The following SLC35A3 variants were observed in gnomAD, a reference collection of about 807,000 sequenced individuals.
SLC35A3 encodes solute carrier family 35 member A3, also known as UDP-N-acetylglucosamine transporter.
Under a neutral mutation model 39.0 loss-of-function variants are expected in SLC35A3, and 26 were observed. The observed-to-expected ratio is 0.67, with a 90% CI of 0.49 to 0.92. The LOEUF is 0.92. Ranked by LOEUF, SLC35A3 falls within the 40% of genes least tolerant of loss-of-function variation. The probability of loss-of-function intolerance (pLI) is 0.00; values close to 1 mark genes in which losing one functional copy is unlikely to be tolerated. For synonymous variants in SLC35A3, 135 were observed against 133.1 expected (o/e 1.01, Z -0.10); for missense variants, 299 against 371.6 (o/e 0.80, Z 1.61).
Position 100,007,060 on chromosome 1 carries a change from A to G in SLC35A3, c.369A>G (p.Thr123=). ...TCACGTATCAGTTAAAAATTCTTAC[A>G]ACAGCATTATTTTCTGTGTCTATGC... is the stretch of plus-strand genomic sequence containing the variant. The part of the protein sequence containing the change: ...YQVTYQLKIL[T]TALFSVSMLS... Residue 123 remains threonine, a synonymous_variant, in exon 4 of 8, where the codon ACA becomes ACG. Transcript: ENST00000533028. 1 of 1,608,440 alleles carries G rather than the reference A, an allele frequency of 6.2e-7. No individual in the cohort carries two copies. The highest frequency in any genetic ancestry group is 8.5e-7 in the Non-Finnish European group (1 of 1,178,300).
At chr1:100,021,854 T>C (rs1660573800) in intron 7 of SLC35A3, among the ~76,000 whole-genome samples, 1 of 152,198 alleles carries the variant, frequency 6.6e-6, no homozygotes, top group African/African-American at 2.4e-5. Context: ...GTCCTGAGTT[T>C]TGCTTATTAT....
intron 1 of SLC35A3, among the ~76,000 whole-genome samples, chr1:99,991,379 C>T (rs765729375): frequency 6.6e-6 from 1 of 152,160 alleles, no homozygotes; most frequent in African/African-American, 2.4e-5. Context: ...CTCCTGACCT[C>T]GTGATCTGCC....
chr1:100,007,210 T>A, intron 4 of SLC35A3, 54 bp downstream of exon 4: 1 of 1,449,712 alleles, frequency 6.9e-7, no homozygotes, highest in Non-Finnish European at 9.4e-7. Flanking sequence ...TTCAAAACCT[T>A]ATTTATTTTG....
rs753810335 is a variant in SLC35A3, at chr1:100,034,410, G to A, written c.*11934G>A. 1.3e-5 allele frequency: 2 copies of A among 151,956 alleles called. No individual in the cohort carries two copies. Among genetic ancestry groups the A allele is most frequent in the African/African-American group, 4.8e-5 (2 of 41,364 alleles). The allele number at this position is 151,956 out of a possible 1,614,324, so 9.4% of individuals were successfully genotyped here. A position where few individuals can be genotyped will look rare whatever the true frequency, so the allele number is the denominator to read the frequency against. On this transcript the variant is annotated 3_prime_UTR_variant, in exon 8 of 8. Coordinates refer to ENST00000533028, the MANE Select transcript of SLC35A3 (RefSeq NM_012243.3). ...GAGTTTAAAAATTTTTATTTGCTGT[G>A]TTCTTTTATATGTGCAATTAATGAT...
Position 100,027,269 on chromosome 1 carries a change from T to C in SLC35A3, c.*4793T>C, listed in dbSNP as rs1169255825. 1 of 398,114 alleles carries C rather than the reference T, an allele frequency of 2.5e-6. No individual in the cohort carries two copies. Among genetic ancestry groups the C allele is most frequent in the Non-Finnish European group, 4.4e-6 (1 of 225,898 alleles). The allele number at this position is 398,114 out of a possible 1,614,324, so 24.7% of individuals were successfully genotyped here. ...GAATTTGAGGCCAGCCTGGGCAACA[T>C]AGCCTTGTTTCTACAAAAAATCTTA... On this transcript the variant is annotated 3_prime_UTR_variant, in exon 8 of 8. Coordinates refer to ENST00000533028, the MANE Select transcript of SLC35A3 (RefSeq NM_012243.3).
At chr1:100,020,991 A>T (rs1180365061) in intron 7 of SLC35A3, among the ~76,000 whole-genome samples, 1 of 152,184 alleles carries the variant, frequency 6.6e-6, no homozygotes, top group Admixed American at 6.5e-5. Flanking sequence ...TTTCGTTTAT[A>T]GGCAATTAAA....
chr1:100,028,195 T>A lies in SLC35A3; in HGVS notation c.*5719T>A, dbSNP rs1661018769. ...CTCAGGTGATCCGCCTGCCTCGGCC[T>A]CCCAAAGTGCTGGGTTTACAGGCGT... On this transcript the variant is annotated 3_prime_UTR_variant, in exon 8 of 8. Coordinates refer to ENST00000533028, the MANE Select transcript of SLC35A3 (RefSeq NM_012243.3). The A allele has an allele frequency of 6.6e-6, 1 of 152,392 alleles. No individual in the cohort carries two copies. The highest frequency in any genetic ancestry group is 6.5e-5 in the Admixed American group (1 of 15,270). 9.4% of individuals were successfully genotyped at this position (152,392 alleles called of 1,614,324 possible).
chr1:100,003,198 C>T lies in SLC35A3; in HGVS notation c.342+3783C>T, dbSNP rs895154547. On this transcript the variant is annotated intron_variant, in intron 3 of 7. Transcript: ENST00000533028. ...CGGGAGGCCAAGGTGGGTGGATTAC[C>T]TGAGGTCAGGAGTTTGAGACCAGCC... Among the ~76,000 whole-genome samples, 3 of 151,794 alleles carry T rather than the reference C, an allele frequency of 2.0e-5. No homozygotes were observed. In the South Asian group the frequency reaches 6.2e-4, roughly 32 times the overall value.
intron 5 of SLC35A3, among the ~76,000 whole-genome samples, chr1:100,014,556 C>G (rs865885001): frequency 6.6e-6 from 1 of 152,104 alleles, no homozygotes; most frequent in African/African-American, 2.4e-5. Context: ...TATTGTACCC[C>G]CTGCCTCAGC....
intron 5 of SLC35A3, among the ~76,000 whole-genome samples, chr1:100,011,867 C>T (rs1012081155): frequency 1.3e-4 from 19 of 151,424 alleles, no homozygotes; most frequent in Non-Finnish European, 2.1e-4. Flanking sequence ...TATAGGCGCC[C>T]GCCACCACGC....
intron 1 of SLC35A3, among the ~76,000 whole-genome samples, chr1:99,974,070 C>T (rs1656970988): frequency 6.6e-6 from 1 of 151,060 alleles, no homozygotes; most frequent in Non-Finnish European, 1.5e-5. Flanking sequence ...AGATAAAATG[C>T]TAAGAAACAA....
rs140508115 is a variant in SLC35A3 at position 100,031,557 on chromosome 1, C to G, written c.*9081C>G. 1 of 152,066 alleles carries G rather than the reference C, an allele frequency of 6.6e-6. No homozygotes were observed. The highest frequency in any genetic ancestry group is 1.5e-5 in the Non-Finnish European group (1 of 68,010). The allele number at this position is 152,066 out of a possible 1,614,324, so 9.4% of individuals were successfully genotyped here. A position where few individuals can be genotyped will look rare whatever the true frequency, so the allele number is the denominator to read the frequency against. ...GTGTATACCAAAATTTGGGCACACTCAAGTCCTTAAGGGGAAACCGCGTAT... is the reference window on the plus strand; with the variant it reads ...GTGTATACCAAAATTTGGGCACACTGAAGTCCTTAAGGGGAAACCGCGTAT... On this transcript the variant is annotated 3_prime_UTR_variant, in exon 8 of 8. Coordinates refer to ENST00000533028, the MANE Select transcript of SLC35A3 (RefSeq NM_012243.3).
At chr1:100,019,563 A>G (rs1306829581) in intron 7 of SLC35A3, among the ~76,000 whole-genome samples, 2 of 152,198 alleles carry the variant, frequency 1.3e-5, no homozygotes, top group Admixed American at 6.5e-5. Flanking sequence ...CATTTTCTCA[A>G]TCTTCATTCA....
At position 100,022,492 on chromosome 1, in the gene SLC35A3, A is replaced by T. The variant is rs780820683; in HGVS notation, c.*16A>T. On this transcript the variant is annotated 3_prime_UTR_variant, in exon 8 of 8. Coordinates refer to ENST00000533028, the MANE Select transcript of SLC35A3 (RefSeq NM_012243.3). Reference sequence around the variant, plus strand: ...TAAAGCATAGTTGTATACTATCTTTAACTGGTTTTTCACGATGGGGCACTA... The same window carrying T: ...TAAAGCATAGTTGTATACTATCTTTTACTGGTTTTTCACGATGGGGCACTA... 7.1e-7 allele frequency: 1 copy of T among 1,415,360 alleles called. No individual in the cohort carries two copies. The highest frequency in any genetic ancestry group is 9.9e-7 in the Non-Finnish European group (1 of 1,010,136). The allele number at this position is 1,415,360 out of a possible 1,614,324, so 87.7% of individuals were successfully genotyped here. A position where few individuals can be genotyped will look rare whatever the true frequency, so the allele number is the denominator to read the frequency against.
intron 1 of SLC35A3, among the ~76,000 whole-genome samples, chr1:99,986,164 A>C (rs1001519415): frequency 3.5e-5 from 5 of 143,326 alleles, no homozygotes; most frequent in African/African-American, 1.3e-4. Context: ...CATATATTCT[A>C]CTTTTTTTTT....
chr1:99,982,099 G>A (rs1657490229), intron 1 of SLC35A3, among the ~76,000 whole-genome samples: 1 of 151,216 alleles, frequency 6.6e-6, no homozygotes, highest in African/African-American at 2.4e-5. Flanking sequence ...CCGCCTCTTG[G>A]GTTCAAGTGA....
chr1:99,974,634 A>AT (rs1465878363), intron 1 of SLC35A3, among the ~76,000 whole-genome samples: 1 of 152,158 alleles, frequency 6.6e-6, no homozygotes, highest in African/African-American at 2.4e-5. Flanking sequence ...GACATGCTTA[A>AT]ACACAGGCTT....
intron 1 of SLC35A3, among the ~76,000 whole-genome samples, chr1:99,988,921 C>G (rs1183301965): frequency 6.6e-6 from 1 of 151,920 alleles, no homozygotes; most frequent in South Asian, 2.1e-4. Context: ...CATGTAGCAC[C>G]AAACCCAGCT....
At chr1:99,975,688 G>A (rs1657068688) in intron 1 of SLC35A3, among the ~76,000 whole-genome samples, 1 of 152,196 alleles carries the variant, frequency 6.6e-6, no homozygotes, top group African/African-American at 2.4e-5. Context: ...GGAAATGTAG[G>A]TTGGGACCAG....
Sources: gnomAD v4.1 joint callset for allele counts (sites outside exome capture counted in the v4.1 genomes callset) on GRCh38, gnomAD v4.1.1 for gene constraint, MANE v1.5 for transcripts, NCBI Gene and HGNC (gene_info 2026-07-23, HGNC 2026-07-21) for gene names.